Variants in RASGRP3 observed in about 807,000 individuals in gnomAD.
RASGRP3 encodes the protein RAS guanyl releasing protein 3, also known as ras guanyl-releasing protein 3.
RASGRP3 carries 54 observed loss-of-function variants against 82.7 expected under a neutral mutation model. The ratio of observed to expected loss-of-function variants is 0.65; its 90% CI spans 0.52 to 0.82. The LOEUF (loss-of-function observed/expected upper bound fraction) is 0.82, where lower values mean the gene tolerates loss of function less well. Ranked by LOEUF, RASGRP3 falls within the 40% of genes least tolerant of loss-of-function variation. The pLI, the probability that RASGRP3 is intolerant of heterozygous loss-of-function variation, is 0.00. For synonymous variants in RASGRP3, 309 were observed against 300.5 expected (o/e 1.03, Z -0.29); for missense variants, 861 against 828.9 (o/e 1.04, Z -0.48).
At chr2:33,549,165 C>G (rs1448008513) in intron 13 of RASGRP3, among the ~76,000 whole-genome samples, 1 of 152,086 alleles carries the variant, frequency 6.6e-6, no homozygotes, top group Non-Finnish European at 1.5e-5. Flanking sequence ...CCAAGGAGCC[C>G]GGACAGCATC....
chr2:33,455,582 A>G (rs1226155745), intron 2 of RASGRP3, among the ~76,000 whole-genome samples: 1 of 152,250 alleles, frequency 6.6e-6, no homozygotes, highest in Non-Finnish European at 1.5e-5. Flanking sequence ...TGTAAAATCG[A>G]TGGAGACTGG....
At chr2:33,479,261 T>C (rs1667658063) in intron 1 of RASGRP3, among the ~76,000 whole-genome samples, 1 of 152,168 alleles carries the variant, frequency 6.6e-6, no homozygotes, top group African/African-American at 2.4e-5. Context: ...GTGGCATGTT[T>C]TTCTCTTTGA....
At chr2:33,469,159 A>G (rs1253965947) in intron 2 of RASGRP3, among the ~76,000 whole-genome samples, 2 of 152,114 alleles carry the variant, frequency 1.3e-5, no homozygotes, top group African/African-American at 4.8e-5. Context: ...CTTGTGAACT[A>G]TTTATTAATA....
intron 17 of RASGRP3, 53 bp downstream of exon 17, chr2:33,559,083 C>A (rs1676355260): frequency 2.8e-6 from 4 of 1,433,126 alleles, no homozygotes; most frequent in Non-Finnish European, 3.7e-6. Context: ...GCTGAAAGTG[C>A]TGAGATGAGC....
intron 2 of RASGRP3, among the ~76,000 whole-genome samples, chr2:33,450,685 G>C (rs1245762838): frequency 6.6e-6 from 1 of 151,962 alleles, no homozygotes; most frequent in Non-Finnish European, 1.5e-5. Context: ...TGAACATGGA[G>C]TGTAGGTATC....
intron 3 of RASGRP3, 125 bp from the exon 4 acceptor site, chr2:33,516,412 GAAATA>G (rs929771640): frequency 8.4e-5 from 52 of 619,038 alleles, no homozygotes; most frequent in South Asian, 6.2e-4. Flanking sequence ...ATCTTAAAAA[GAAATA>G]AAATAAAAGA....
intron 1 of RASGRP3, among the ~76,000 whole-genome samples, chr2:33,483,456 A>G (rs1668106644): frequency 6.7e-6 from 1 of 149,698 alleles, no homozygotes; most frequent in African/African-American, 2.5e-5. Context: ...TTAAATTCAT[A>G]TCTAATCCCA....
At chr2:33,562,269 T>C (rs1239004040) in intron 17 of RASGRP3, among the ~76,000 whole-genome samples, 62 of 146,158 alleles carry the variant, frequency 4.2e-4, no homozygotes, top group African/African-American at 1.3e-3. Context: ...CTCTCTCTCT[T>C]TTTTTTTTTT....
In RASGRP3 at chr2:33,527,215, G is replaced by A. The variant is rs748086884; in HGVS notation, c.886G>A (p.Gly296Ser). The A allele has an allele frequency of 1.9e-6, 3 of 1,614,046 alleles. No individual in the cohort carries two copies. The highest frequency in any genetic ancestry group is 1.7e-6 in the Non-Finnish European group (2 of 1,179,886). ...NYRKAFADCDGFKIPILGVHL... is the reference protein window; with the variant it reads ...NYRKAFADCDSFKIPILGVHL... ...CCGCAAGGCCTTTGCCGACTGCGAT[G>A]GCTTCAAAATCCCCATCCTTGGAGT... Residue 296 changes from glycine to serine, a missense_variant, in exon 10 of 18, where the codon GGC becomes AGC. Coordinates refer to ENST00000403687, the MANE Select transcript of RASGRP3 (RefSeq NM_001139488.2).
rs79965734 is a variant in RASGRP3, at chr2:33,470,262, T to C, written c.-261+22319T>C. 4.2e-3 allele frequency among the ~76,000 whole-genome samples: 640 copies of C among 152,280 alleles called. 2 individuals are homozygous for C. The highest frequency in any genetic ancestry group is 0.015 in the African/African-American group (608 of 41,568). On this transcript the variant is annotated intron_variant, in intron 2 of 18. Transcript: ENST00000402538. ...AGAAAAACTTTCCAATACAGAAATG[T>C]ATCAAACTGTTTTTAATTTTCTCAG...
intron 5 of RASGRP3, 141 bp from the exon 6 acceptor site, chr2:33,520,412 G>A: frequency 3.6e-6 from 4 of 1,123,432 alleles, no homozygotes; most frequent in Non-Finnish European, 5.1e-6. Flanking sequence ...GGGTTTTGGA[G>A]ACAGGAGATG....
intron 1 of RASGRP3, among the ~76,000 whole-genome samples, chr2:33,487,277 G>T (rs1437287321): frequency 6.6e-6 from 1 of 151,974 alleles, no homozygotes; most frequent in Non-Finnish European, 1.5e-5. Context: ...TTGCATTCTG[G>T]AAAAAAATTT....
intron 13 of RASGRP3, among the ~76,000 whole-genome samples, chr2:33,545,450 C>G (rs1674641954): frequency 6.6e-6 from 1 of 152,122 alleles, no homozygotes; most frequent in Non-Finnish European, 1.5e-5. Flanking sequence ...GTGTGACTTC[C>G]CAAAGCTTTT....
chr2:33,530,773 C>G (rs1338529532), intron 10 of RASGRP3: 1 of 152,172 alleles, frequency 6.6e-6, no homozygotes, highest in South Asian at 2.1e-4. Flanking sequence ...TCATTGTATC[C>G]TTGGCCCCTT....
intron 1 of RASGRP3, among the ~76,000 whole-genome samples, chr2:33,492,182 T>C (rs1668904773): frequency 6.6e-6 from 1 of 152,226 alleles, no homozygotes; most frequent in Admixed American, 6.5e-5. Flanking sequence ...GTCCATTTGC[T>C]TTAAGGTAAT....
At chr2:33,539,333 A>G (rs931747196) in intron 12 of RASGRP3, 123 bp downstream of exon 12, 1 of 754,764 alleles carries the variant, frequency 1.3e-6, no homozygotes, top group Non-Finnish European at 2.2e-6. Context: ...GGTAGGAACA[A>G]TTTAGCAGGC....
intron 2 of RASGRP3, among the ~76,000 whole-genome samples, chr2:33,460,822 A>T (rs1441230223): frequency 6.6e-6 from 1 of 152,108 alleles, no homozygotes; most frequent in African/African-American, 2.4e-5. Flanking sequence ...GCCAGATTTA[A>T]GTATTTTATA....
chr2:33,522,225 C>A, intron 7 of RASGRP3, 123 bp downstream of exon 7: 1 of 1,045,492 alleles, frequency 9.6e-7, no homozygotes, highest in South Asian at 1.7e-5. Flanking sequence ...GGAGAAGTGC[C>A]CTTAATTCAC....
chr2:33,436,588 A>C (rs1664935808), exon 1 of RASGRP3: 1 of 152,210 alleles, frequency 6.6e-6, no homozygotes, highest in African/African-American at 2.4e-5. Flanking sequence ...GCAGTTCTGC[A>C]AAGGTAAGTG....
Sources: gnomAD v4.1 joint callset for allele counts (sites outside exome capture counted in the v4.1 genomes callset) on GRCh38, gnomAD v4.1.1 for gene constraint, MANE v1.5 for transcripts, NCBI Gene and HGNC (gene_info 2026-07-23, HGNC 2026-07-21) for gene names.